Variants in PDXK observed in about 807,000 individuals in gnomAD.
PDXK encodes the protein pyridoxal kinase.
A neutral mutation model predicts 43.2 loss-of-function variants in PDXK; 15 were observed. The observed-to-expected ratio is 0.35, with a 90% CI of 0.23 to 0.53. PDXK has a LOEUF of 0.53. Among genes scored for constraint, PDXK ranks in the 20% least tolerant of loss-of-function variants. The pLI is 0.92. For missense variants in PDXK, 343 were observed against 417.0 expected (o/e 0.82, Z 1.54); for synonymous variants, 172 against 165.4 (o/e 1.04, Z -0.31).
At position 43,737,171 on chromosome 21, in the gene PDXK, G is replaced by A. The variant is rs567705511; in HGVS notation, c.142+3048G>A. ...GGATGGGCCACAAAGCCAGACTCCC[G>A]GCAGGGACACGGGTGTTCCACACAA... On this transcript the variant is annotated intron_variant, in intron 2 of 10. Transcript: ENST00000291565. This position sits in a 1 kb window ranked among gnomAD's most constrained non-coding sequence, Gnocchi z 4.8. 16 of 1,461,128 alleles carry A rather than the reference G, an allele frequency of 1.1e-5. No individual in the cohort carries two copies. Among genetic ancestry groups the A allele is most frequent in the East Asian group, 7.5e-5 (3 of 40,106 alleles). 90.5% of individuals were successfully genotyped at this position (1,461,128 alleles called of 1,614,324 possible). A position where few individuals can be genotyped will look rare whatever the true frequency, so the allele number is the denominator to read the frequency against.
intron 2 of PDXK, among the ~76,000 whole-genome samples, chr21:43,739,455 G>A (rs1311346617): frequency 6.6e-6 from 1 of 152,204 alleles, no homozygotes; most frequent in Non-Finnish European, 1.5e-5. Context: ...CATTTGTAAA[G>A]GAAAAAGGTT....
At chr21:43,728,441 T>TC (rs1228611546) in intron 1 of PDXK, among the ~76,000 whole-genome samples, 2 of 152,160 alleles carry the variant, frequency 1.3e-5, no homozygotes, top group East Asian at 3.9e-4. Context: ...CACCCTGCTC[T>TC]CCCCTGGAAC....
chr21:43,745,798 A>C, intron 4 of PDXK: 1 of 430,114 alleles, frequency 2.3e-6, no homozygotes, highest in East Asian at 3.8e-5. Context: ...GGAGTTCAAA[A>C]CCAGCCTCGG....
intron 1 of PDXK, among the ~76,000 whole-genome samples, chr21:43,727,320 C>A (rs1021467098): frequency 2.0e-5 from 3 of 152,164 alleles, no homozygotes; most frequent in African/African-American, 7.2e-5. Context: ...CAAAGATGGG[C>A]TGAGCAAAAA....
intron 6 of PDXK, among the ~76,000 whole-genome samples, chr21:43,749,900 G>A (rs1016523055): frequency 3.9e-5 from 6 of 152,234 alleles, no homozygotes; most frequent in African/African-American, 1.4e-4. Flanking sequence ...CCCCCCAGCT[G>A]AAGAATCACA....
At chr21:43,741,017 G>C (rs1469173956) in intron 2 of PDXK, 2 of 149,312 alleles carry the variant, frequency 1.3e-5, no homozygotes, top group Non-Finnish European at 3.0e-5. Context: ...GACAGCAATG[G>C]GGGAGCAACG....
At chr21:43,733,397 A>T (rs968441111) in intron 1 of PDXK, among the ~76,000 whole-genome samples, 1 of 152,038 alleles carries the variant, frequency 6.6e-6, no homozygotes, top group Non-Finnish European at 1.5e-5. Flanking sequence ...GGTTTGGGGC[A>T]TTGCTGGTGC....
rs1001470447 is a variant in PDXK at position 43,732,594 on chromosome 21, C to A, written c.88-1475C>A. On this transcript the variant is annotated intron_variant, in intron 1 of 10. Coordinates refer to ENST00000291565, the MANE Select transcript of PDXK (RefSeq NM_003681.5). The surrounding 1 kb of genome is among the most constrained non-coding windows in gnomAD (Gnocchi z 4.1). ...GAAGCAGTGGAGCAGAATATTTTGG[C>A]AGGATTTTCAGGATTTGTGTCATCG... 2 of 807,680 alleles carry A rather than the reference C, an allele frequency of 2.5e-6. No homozygotes were observed. The highest frequency in any genetic ancestry group is 3.4e-5 in the African/African-American group (2 of 59,582). The allele number at this position is 807,680 out of a possible 1,614,324, so 50.0% of individuals were successfully genotyped here. A position where few individuals can be genotyped will look rare whatever the true frequency, so the allele number is the denominator to read the frequency against.
At chr21:43,724,474 G>A (rs2083234017) in intron 1 of PDXK, among the ~76,000 whole-genome samples, 1 of 152,176 alleles carries the variant, frequency 6.6e-6, no homozygotes, top group Non-Finnish European at 1.5e-5. Flanking sequence ...GGCTCCCAGA[G>A]ACGCGTGACG....
chr21:43,721,179 C>T (rs1200132440), intron 1 of PDXK, among the ~76,000 whole-genome samples: 1 of 152,168 alleles, frequency 6.6e-6, no homozygotes, highest in African/African-American at 2.4e-5. Flanking sequence ...GGAGACCCAG[C>T]GAGCCTGGAC....
At chr21:43,745,010 A>G (rs2083612324) in intron 4 of PDXK, among the ~76,000 whole-genome samples, 1 of 152,242 alleles carries the variant, frequency 6.6e-6, no homozygotes, top group Non-Finnish European at 1.5e-5. Context: ...CAGACACCAA[A>G]AAGGGAGACT....
In PDXK at chr21:43,732,100, A is replaced by T; in HGVS notation, c.88-1969A>T. On this transcript the variant is annotated intron_variant, in intron 1 of 10. Transcript: ENST00000291565. The surrounding 1 kb of genome is among the most constrained non-coding windows in gnomAD (Gnocchi z 4.1). Reference sequence around the variant, plus strand: ...CCTGTGGGGAGAAGAGCCCCGGGGGAAGAAGAGCACTGCTGACAGAAGCCC... The same window carrying T: ...CCTGTGGGGAGAAGAGCCCCGGGGGTAGAAGAGCACTGCTGACAGAAGCCC... 8.1e-7 allele frequency: 1 copy of T among 1,232,586 alleles called. No homozygotes were observed. Among genetic ancestry groups the T allele is most frequent in the East Asian group, 3.8e-5 (1 of 26,468 alleles). The allele number at this position is 1,232,586 out of a possible 1,614,324, so 76.4% of individuals were successfully genotyped here.
In PDXK at chr21:43,733,522, A is replaced by AACCCTC. The variant is rs1242970060; in HGVS notation, c.88-540_88-535dup. 8.4e-5 allele frequency: 28 copies of AACCCTC among 333,182 alleles called. No individual in the cohort carries two copies. The East Asian group carries it at 3.7e-3, about 44-fold the overall frequency. 20.6% of individuals were successfully genotyped at this position (333,182 alleles called of 1,614,324 possible). ...CCGTCCTTCCTCTCCATCTGTCTGG[A>AACCCTC]ACCCTCACCCTCTCCCTCCCTCTCT... On this transcript the variant is annotated intron_variant, in intron 1 of 10. Coordinates refer to ENST00000291565, the MANE Select transcript of PDXK (RefSeq NM_003681.5).
chr21:43,723,157 CTT>C lies in PDXK; in HGVS notation c.87+3789_87+3790del, dbSNP rs1223486545. 1.1e-4 allele frequency among the ~76,000 whole-genome samples: 15 copies of C among 136,470 alleles called. No individual in the cohort carries two copies. The highest frequency in any genetic ancestry group is 2.2e-4 in the Admixed American group (3 of 13,644). 89.5% of individuals were successfully genotyped at this position (136,470 alleles called of 152,430 possible). ...CCTGGCCTTCTTTTTCTTTTTCTTT[CTT>C]TTTTTTTTTTTTGAGACGAGGGTCT... On this transcript the variant is annotated intron_variant, in intron 1 of 10. Transcript: ENST00000291565. The surrounding 1 kb of genome is among the most constrained non-coding windows in gnomAD (Gnocchi z 4.1).
intron 2 of PDXK, 34 bp from the exon 3 acceptor site, chr21:43,741,633 G>T (rs1375455564): frequency 6.2e-7 from 1 of 1,602,296 alleles, no homozygotes; most frequent in Non-Finnish European, 8.5e-7. Context: ...TGGCCCCCTT[G>T]TGTCTGAGCC....
Position 43,723,687 on chromosome 21 carries a change from C to T in PDXK, c.87+4306C>T, listed in dbSNP as rs2083226506. 1 of 152,262 alleles carries T rather than the reference C, an allele frequency of 6.6e-6. No individual in the cohort carries two copies. Among genetic ancestry groups the T allele is most frequent in the Non-Finnish European group, 1.5e-5 (1 of 68,062 alleles). The allele number at this position is 152,262 out of a possible 1,614,324, so 9.4% of individuals were successfully genotyped here. A position where few individuals can be genotyped will look rare whatever the true frequency, so the allele number is the denominator to read the frequency against. On this transcript the variant is annotated intron_variant, in intron 1 of 10. Coordinates refer to ENST00000291565, the MANE Select transcript of PDXK (RefSeq NM_003681.5). This position sits in a 1 kb window ranked among gnomAD's most constrained non-coding sequence, Gnocchi z 4.1. ...AAACTGGGCTGTGCAGAGATTGTCC[C>T]AAGCACGTCTGAGGCCAGTAGCTGC...
In PDXK at chr21:43,749,178, C is replaced by T. The variant is rs967071636; in HGVS notation, c.464+98C>T. 29 of 649,140 alleles carry T rather than the reference C, an allele frequency of 4.5e-5. No homozygotes were observed. In the Middle Eastern group the frequency reaches 1.8e-3, roughly 40 times the overall value. The allele number at this position is 649,140 out of a possible 1,614,324, so 40.2% of individuals were successfully genotyped here. A position where few individuals can be genotyped will look rare whatever the true frequency, so the allele number is the denominator to read the frequency against. On this transcript the variant is annotated intron_variant, in intron 6 of 10. Coordinates refer to ENST00000291565, the MANE Select transcript of PDXK (RefSeq NM_003681.5). ...GGAGTGCAGTGGCACGATCACAGCT[C>T]ACTGCAACCTCTGTCTCCGGGGTTC...
Position 43,737,125 on chromosome 21 carries a change from C to A in PDXK, c.142+3002C>A, listed in dbSNP as rs2083417736. On this transcript the variant is annotated intron_variant, in intron 2 of 10. Coordinates refer to ENST00000291565, the MANE Select transcript of PDXK (RefSeq NM_003681.5). The surrounding 1 kb of genome is among the most constrained non-coding windows in gnomAD (Gnocchi z 4.8). The stretch of plus-strand genomic sequence containing the variant: ...TGCCCAGGGTTGTTACTGGGGTGGT[C>A]ACGTGGGCAGCTTCTGCCTGGGATG... The A allele has an allele frequency of 8.2e-7, 1 of 1,224,064 alleles. No homozygotes were observed. The highest frequency in any genetic ancestry group is 1.3e-5 in the South Asian group (1 of 74,868). 75.8% of individuals were successfully genotyped at this position (1,224,064 alleles called of 1,614,324 possible). A position where few individuals can be genotyped will look rare whatever the true frequency, so the allele number is the denominator to read the frequency against.
Position 43,756,009 on chromosome 21 carries a change from G to T in PDXK, c.885G>T (p.Gln295His), listed in dbSNP as rs754132289. ...TGCAGCTGGAGCTGCGGATGGTGCAGAGCAAAAGGGACATCGAGGACCCAG... is the reference window on the plus strand; with the variant it reads ...TGCAGCTGGAGCTGCGGATGGTGCATAGCAAAAGGGACATCGAGGACCCAG... ...SPMQLELRMV[Q>H]SKRDIEDPEI... Residue 295 changes from glutamine (Q) to histidine (H), a missense_variant, in exon 11 of 11, where the codon CAG becomes CAT. By Grantham distance (24) the Gln-to-His change is conservative. Coordinates refer to ENST00000291565, the MANE Select transcript of PDXK (RefSeq NM_003681.5). 1.2e-6 allele frequency: 2 copies of T among 1,613,448 alleles called. No individual in the cohort carries two copies. Among genetic ancestry groups the T allele is most frequent in the Admixed American group, 3.3e-5 (2 of 59,984 alleles).
Sources: allele counts gnomAD v4.1 joint callset (sites outside exome capture counted in the v4.1 genomes callset), GRCh38; gene constraint gnomAD v4.1.1; non-coding constraint Gnocchi (gnomAD v3.1); transcripts MANE v1.5; gene names NCBI Gene and HGNC (gene_info 2026-07-23, HGNC 2026-07-21).